Variants in MACROD2 observed in about 807,000 individuals in gnomAD.
MACROD2 encodes ADP-ribose glycohydrolase MACROD2.
In MACROD2, 36 loss-of-function variants were observed where a neutral mutation model predicts 70.4. The observed-to-expected ratio is 0.51, with a 90% CI of 0.39 to 0.68. The LOEUF is 0.68. Ranked by LOEUF, MACROD2 falls within the 30% of genes least tolerant of loss-of-function variation. MACROD2 has a pLI of 0.00. For missense variants in MACROD2, 496 were observed against 538.4 expected (o/e 0.92, Z 0.78); for synonymous variants, 172 against 178.8 (o/e 0.96, Z 0.30).
intron 5 of MACROD2, among the ~76,000 whole-genome samples, chr20:15,037,779 A>G (rs1205514017): frequency 6.6e-6 from 1 of 152,158 alleles, no homozygotes; most frequent in East Asian, 1.9e-4. Context: ...CCTCATCTAT[A>G]AAATGGAAAT....
intron 8 of MACROD2, among the ~76,000 whole-genome samples, chr20:15,713,430 A>G (rs1489133134): frequency 6.6e-6 from 1 of 152,208 alleles, no homozygotes; most frequent in African/African-American, 2.4e-5. Context: ...TAATTTGCTC[A>G]TGGTTCTGAA....
chr20:15,930,531 T>C (rs1171371992), intron 10 of MACROD2, among the ~76,000 whole-genome samples: 1 of 152,200 alleles, frequency 6.6e-6, no homozygotes, highest in Non-Finnish European at 1.5e-5. Context: ...ATGAAAGCAA[T>C]ATACCTGGAC....
At chr20:14,605,791 C>A (rs1319535458) in intron 4 of MACROD2, among the ~76,000 whole-genome samples, 4 of 151,556 alleles carry the variant, frequency 2.6e-5, no homozygotes, top group Non-Finnish European at 4.4e-5. Flanking sequence ...TTATGATAAT[C>A]AATTTTCTAA....
intron 4 of MACROD2, among the ~76,000 whole-genome samples, chr20:14,619,444 A>AAGGGAAAGGAGGGGAGG (rs1568702396): frequency 0.26 from 1,068 of 4,164 alleles, 80 homozygotes; most frequent in African/African-American, 0.39. Context: ...GGAGGGAGGG[A>AAGGGAAAGGAGGGGAGG]GGAAGGGAAG....
At chr20:14,002,459 G>C in intron 2 of MACROD2, 55 bp downstream of exon 2, 2 of 1,079,878 alleles carry the variant, frequency 1.9e-6, no homozygotes, top group Non-Finnish European at 2.8e-6. Flanking sequence ...TAGGACAATT[G>C]TTGACAGAAA....
At chr20:14,479,557 A>T (rs964780334) in intron 3 of MACROD2, among the ~76,000 whole-genome samples, 1 of 152,066 alleles carries the variant, frequency 6.6e-6, no homozygotes, top group African/African-American at 2.4e-5. Flanking sequence ...GTTCCTCCAG[A>T]CCTGGGTTCT....
intron 5 of MACROD2, among the ~76,000 whole-genome samples, chr20:14,783,646 A>C (rs2072329212): frequency 6.6e-6 from 1 of 152,078 alleles, no homozygotes; most frequent in Non-Finnish European, 1.5e-5. Flanking sequence ...CCAGAAGCAG[A>C]CTCTGAGATT....
At chr20:14,718,951 C>T (rs1487045384) in intron 5 of MACROD2, among the ~76,000 whole-genome samples, 1 of 152,056 alleles carries the variant, frequency 6.6e-6, no homozygotes, top group African/African-American at 2.4e-5. Context: ...TACATATAGT[C>T]AGCCGGGTGT....
At chr20:14,633,448 A>G (rs780681867) in intron 4 of MACROD2, among the ~76,000 whole-genome samples, 3 of 152,180 alleles carry the variant, frequency 2.0e-5, no homozygotes, top group Non-Finnish European at 4.4e-5. Context: ...GTTTCACTCA[A>G]CTACTCTGAG....
intron 15 of MACROD2, among the ~76,000 whole-genome samples, chr20:16,031,457 C>A (rs188835397): frequency 1.1e-3 from 161 of 152,204 alleles, no homozygotes; most frequent in African/African-American, 3.8e-3. Flanking sequence ...TACACTAGAT[C>A]TAGAAATTCA....
intron 3 of MACROD2, among the ~76,000 whole-genome samples, chr20:14,202,817 G>A (rs1035874196): frequency 6.6e-5 from 10 of 152,190 alleles, no homozygotes; most frequent in Admixed American, 6.5e-4. Flanking sequence ...GGGAGACCAA[G>A]GTGGGTGGAT....
intron 6 of MACROD2, among the ~76,000 whole-genome samples, chr20:15,427,895 G>C (rs1350818210): frequency 6.6e-6 from 1 of 152,174 alleles, no homozygotes; most frequent in African/African-American, 2.4e-5. Context: ...ACAATGTCTA[G>C]AAATATTTCT....
At chr20:15,216,169 T>C (rs2076808395) in intron 5 of MACROD2, among the ~76,000 whole-genome samples, 1 of 152,132 alleles carries the variant, frequency 6.6e-6, no homozygotes, top group African/African-American at 2.4e-5. Context: ...AATAATTTAA[T>C]TGTACATTTT....
At chr20:15,810,038 G>T (rs1242486511) in intron 8 of MACROD2, among the ~76,000 whole-genome samples, 1 of 128,634 alleles carries the variant, frequency 7.8e-6, no homozygotes, top group Non-Finnish European at 1.6e-5. Context: ...CAACAGTGCC[G>T]GGAGTGTGAT....
chr20:15,410,782 C>A (rs2046067047), intron 6 of MACROD2, among the ~76,000 whole-genome samples: 1 of 152,112 alleles, frequency 6.6e-6, no homozygotes, highest in South Asian at 2.1e-4. Flanking sequence ...ACACGCCTTG[C>A]AGGAAAAGTT....
intron 5 of MACROD2, among the ~76,000 whole-genome samples, chr20:15,220,778 G>A (rs1249221997): frequency 6.6e-6 from 1 of 151,988 alleles, no homozygotes; most frequent in Non-Finnish European, 1.5e-5. Context: ...AAAATGGGGG[G>A]GGCTCTCCAG....
intron 5 of MACROD2, among the ~76,000 whole-genome samples, chr20:15,159,451 G>A (rs2076332369): frequency 6.6e-6 from 1 of 152,016 alleles, no homozygotes; most frequent in African/African-American, 2.4e-5. Flanking sequence ...TCTATATGTT[G>A]ATGTAGAACT....
chr20:14,460,611 T>G (rs1237195804), intron 3 of MACROD2, among the ~76,000 whole-genome samples: 1 of 152,156 alleles, frequency 6.6e-6, no homozygotes, highest in Non-Finnish European at 1.5e-5. Context: ...TACCAATTTA[T>G]TGTGAGTTTT....
At chr20:14,931,256 T>C (rs1413826671) in intron 5 of MACROD2, among the ~76,000 whole-genome samples, 1 of 152,104 alleles carries the variant, frequency 6.6e-6, no homozygotes, top group Non-Finnish European at 1.5e-5. Flanking sequence ...AGAAGACTTA[T>C]ATACAGAGCA....
Sources: gnomAD v4.1 joint callset for allele counts (sites outside exome capture counted in the v4.1 genomes callset) on GRCh38, gnomAD v4.1.1 for gene constraint, MANE v1.5 for transcripts, NCBI Gene and HGNC (gene_info 2026-07-23, HGNC 2026-07-21) for gene names.